The following PRUNE2 variants were observed in gnomAD, a reference collection of about 807,000 sequenced individuals.
PRUNE2 encodes prune homolog 2 with BCH domain.
Under a neutral mutation model 252.0 loss-of-function variants are expected in PRUNE2, and 164 were observed. That is an observed-to-expected ratio of 0.65 (90% CI 0.57 to 0.74). PRUNE2 has a LOEUF of 0.74. Ranked by LOEUF, PRUNE2 falls within the 30% of genes least tolerant of loss-of-function variation. The probability of loss-of-function intolerance (pLI) is 0.00; values close to 1 mark genes in which losing one functional copy is unlikely to be tolerated. For synonymous variants in PRUNE2, 1,292 were observed against 1,350.2 expected (o/e 0.96, Z 0.94); for missense variants, 3,495 against 3,711.0 (o/e 0.94, Z 1.51).
intron 4 of PRUNE2, among the ~76,000 whole-genome samples, chr9:76,832,496 A>C (rs2058723162): frequency 6.6e-6 from 1 of 152,168 alleles, no homozygotes; most frequent in African/African-American, 2.4e-5. Flanking sequence ...AAAAGAAGAA[A>C]TCACAATGTA....
intron 1 of PRUNE2, among the ~76,000 whole-genome samples, chr9:76,892,089 G>A (rs1048448715): frequency 2.0e-5 from 3 of 152,094 alleles, no homozygotes; most frequent in Non-Finnish European, 4.4e-5. Context: ...TCTACCTACT[G>A]GTCTCATTAG....
intron 12 of PRUNE2, among the ~76,000 whole-genome samples, chr9:76,639,300 G>A (rs1011565199): frequency 2.0e-5 from 3 of 152,030 alleles, no homozygotes; most frequent in Admixed American, 1.3e-4. Context: ...GAGACCACCC[G>A]GACAGCACGG....
chr9:76,770,789 G>A (rs1267114205), intron 6 of PRUNE2, among the ~76,000 whole-genome samples: 1 of 152,142 alleles, frequency 6.6e-6, no homozygotes, highest in Non-Finnish European at 1.5e-5. Flanking sequence ...ATTCCAAATA[G>A]CAAAGGGACA....
intron 4 of PRUNE2, among the ~76,000 whole-genome samples, chr9:76,839,635 C>T (rs2059269649): frequency 1.3e-5 from 2 of 152,086 alleles, no homozygotes; most frequent in South Asian, 4.2e-4. Flanking sequence ...GGTTTGAAGC[C>T]GGAGGTTGAA....
rs745462357 is a variant in PRUNE2, at chr9:76,846,539, C to T, written c.484G>A (p.Glu162Lys). Residue 162 changes from glutamate (E) to lysine (K), a missense_variant, in exon 4 of 19, where the codon GAG becomes AAG. Physicochemically the swap from Glu to Lys is moderately conservative, Grantham distance 56. Coordinates refer to ENST00000376718, the MANE Select transcript of PRUNE2 (RefSeq NM_015225.3). ...CCTCTGAGGCGATGAGCCAGTTGCT[C>T]GGTGATGAGCTCAGGAGCCTCTTGG... ...ILQEAPELIT[E>K]QLAHRLRGSI... 7.4e-6 allele frequency: 12 copies of T among 1,613,616 alleles called. No individual in the cohort carries two copies. The highest frequency in any genetic ancestry group is 1.7e-5 in the Admixed American group (1 of 59,952).
chr9:76,733,105 G>A lies in PRUNE2; in HGVS notation c.757-19384C>T, dbSNP rs556158222. Among the ~76,000 whole-genome samples, 7 of 152,160 alleles carry A rather than the reference G, an allele frequency of 4.6e-5. No individual in the cohort carries two copies. The South Asian group carries it at 1.0e-3, about 23-fold the overall frequency. ...ATTTTTCTACCTGCTGAGAGAGATC[G>A]GTCTTCTGCCTGAGTAGCCACAGGT... On this transcript the variant is annotated intron_variant, in intron 6 of 18. Transcript: ENST00000376718.
intron 6 of PRUNE2, among the ~76,000 whole-genome samples, chr9:76,765,483 C>T (rs141325491): frequency 9.6e-4 from 146 of 152,268 alleles, no homozygotes; most frequent in African/African-American, 3.4e-3. Flanking sequence ...GGAAGGCATA[C>T]AGAATAGAGA....
At chr9:76,767,148 A>T (rs1233617326) in intron 6 of PRUNE2, among the ~76,000 whole-genome samples, 2 of 152,094 alleles carry the variant, frequency 1.3e-5, no homozygotes, top group African/African-American at 4.8e-5. Context: ...GTCACCAAGG[A>T]CCTATTCAAA....
Position 76,703,617 on chromosome 9 carries a change from G to T in PRUNE2, c.7996C>A (p.Leu2666Ile), listed in dbSNP as rs1294975309. The T allele has an allele frequency of 1.2e-6, 2 of 1,612,752 alleles. No homozygotes were observed. The highest frequency in any genetic ancestry group is 4.5e-5 in the East Asian group (2 of 44,892). Reference protein sequence around the residue: ...SGKTVEPFSELGLGEGPQLQI... With the variant: ...SGKTVEPFSEIGLGEGPQLQI... Reference sequence around the variant, plus strand: ...AGCTGGGGACCCTCACCCAAGCCGAGTTCAGAGAACGGCTCCACAGTCTTG... The same window carrying T: ...AGCTGGGGACCCTCACCCAAGCCGATTTCAGAGAACGGCTCCACAGTCTTG... The change falls in exon 9 of 19, where the codon CTC becomes ATC. Residue 2666 changes from leucine to isoleucine, a missense_variant. Physicochemically the swap from Leu to Ile is conservative, Grantham distance 5 (BLOSUM62 2). Coordinates refer to ENST00000376718, the MANE Select transcript of PRUNE2 (RefSeq NM_015225.3).
In PRUNE2 at chr9:76,855,534, T is replaced by C. The variant is rs2060209479; in HGVS notation, c.37-1326A>G. Among the ~76,000 whole-genome samples the C allele has an allele frequency of 2.6e-5, 4 of 152,330 alleles. No individual in the cohort carries two copies. In the South Asian group the frequency reaches 6.2e-4, roughly 24 times the overall value. Reference sequence around the variant, plus strand: ...ATCTAAAAATTTGTCAGTGTTTATATGGAACTGCTGGTATCAGAGTCAAAC... The same window carrying C: ...ATCTAAAAATTTGTCAGTGTTTATACGGAACTGCTGGTATCAGAGTCAAAC... On this transcript the variant is annotated intron_variant, in intron 1 of 18. Coordinates refer to ENST00000376718, the MANE Select transcript of PRUNE2 (RefSeq NM_015225.3).
intron 4 of PRUNE2, among the ~76,000 whole-genome samples, chr9:76,840,751 C>A (rs780502642): frequency 6.6e-6 from 1 of 152,094 alleles, no homozygotes; most frequent in African/African-American, 2.4e-5. Context: ...GAGGCTGAGG[C>A]GGGCAGATCA....
At chr9:76,814,454 G>A (rs1312932791) in intron 6 of PRUNE2, among the ~76,000 whole-genome samples, 2 of 152,186 alleles carry the variant, frequency 1.3e-5, no homozygotes, top group African/African-American at 4.8e-5. Context: ...GAACACAACT[G>A]CAGGAGACAC....
At chr9:76,782,791 T>C (rs1231460797) in intron 6 of PRUNE2, 1 of 152,206 alleles carries the variant, frequency 6.6e-6, no homozygotes, top group East Asian at 1.9e-4. Context: ...TTCTGAGTAC[T>C]CAGTGCAGCA....
intron 4 of PRUNE2, among the ~76,000 whole-genome samples, chr9:76,828,511 C>T (rs894572763): frequency 8.5e-5 from 13 of 152,268 alleles, no homozygotes; most frequent in Middle Eastern, 3.4e-3. Context: ...ATAAGAATCA[C>T]TCTGGCTATC....
chr9:76,744,398 G>T (rs2049922594), intron 6 of PRUNE2, among the ~76,000 whole-genome samples: 1 of 152,098 alleles, frequency 6.6e-6, no homozygotes, highest in Non-Finnish European at 1.5e-5. Flanking sequence ...GAGAGCAAAG[G>T]GTCCCAGGGA....
intron 1 of PRUNE2, among the ~76,000 whole-genome samples, chr9:76,891,305 T>C (rs978152065): frequency 2.0e-5 from 3 of 152,162 alleles, no homozygotes; most frequent in African/African-American, 7.2e-5. Context: ...GCAATTAAAC[T>C]TCTTTCCCAC....
chr9:76,865,847 A>ACACC lies in PRUNE2; in HGVS notation c.37-11640_37-11639insGGTG, dbSNP rs1336460062. ...CACACACACACACACACACACACACACCAGAGCATTATGACATGTGCATTA... is the reference window on the plus strand; with the variant it reads ...CACACACACACACACACACACACACACACCCCAGAGCATTATGACATGTGCATTA... On this transcript the variant is annotated intron_variant, in intron 1 of 18. Coordinates refer to ENST00000376718, the MANE Select transcript of PRUNE2 (RefSeq NM_015225.3). 3.5e-3 allele frequency among the ~76,000 whole-genome samples: 502 copies of ACACC among 145,492 alleles called. 5 individuals are homozygous for ACACC. Among genetic ancestry groups the ACACC allele is most frequent in the African/African-American group, 0.013 (482 of 36,700 alleles).
At chr9:76,646,047 C>G (rs1844711297) in intron 11 of PRUNE2, among the ~76,000 whole-genome samples, 1 of 152,170 alleles carries the variant, frequency 6.6e-6, no homozygotes, top group African/African-American at 2.4e-5. Flanking sequence ...TAGTCAAAAC[C>G]TTTACCTTTT....
intron 9 of PRUNE2, chr9:76,692,256 C>G (rs978239293): frequency 7.2e-6 from 5 of 689,902 alleles, no homozygotes; most frequent in Non-Finnish European, 1.3e-5. Context: ...CCCATGCAGC[C>G]GCTGTGGCTA....
Sources: gnomAD v4.1 joint callset for allele counts (sites outside exome capture counted in the v4.1 genomes callset) on GRCh38, gnomAD v4.1.1 for gene constraint, MANE v1.5 for transcripts, NCBI Gene and HGNC (gene_info 2026-07-23, HGNC 2026-07-21) for gene names.